Variants in DLGAP1 observed in about 807,000 individuals in gnomAD.
DLGAP1 encodes disks large-associated protein 1.
Under a neutral mutation model 90.8 loss-of-function variants are expected in DLGAP1, and 11 were observed. The ratio of observed to expected loss-of-function variants is 0.12; its 90% confidence interval spans 0.08 to 0.20. The LOEUF is 0.20. Ranked by LOEUF, DLGAP1 falls within the 10% of genes least tolerant of loss-of-function variation. The pLI, the probability that DLGAP1 is intolerant of heterozygous loss-of-function variation, is 1.00. For synonymous variants in DLGAP1, 558 were observed against 540.7 expected (o/e 1.03, Z -0.44); for missense variants, 1,050 against 1,333.8 (o/e 0.79, Z 3.31).
At chr18:3,933,270 A>G (rs144464153) in intron 3 of DLGAP1, among the ~76,000 whole-genome samples, 34 of 152,320 alleles carry the variant, frequency 2.2e-4, no homozygotes, top group African/African-American at 8.2e-4. Context: ...TCTGTAGCTT[A>G]TAGTGCGGTG....
At chr18:3,937,071 C>T (rs777139139) in intron 3 of DLGAP1, among the ~76,000 whole-genome samples, 1 of 152,160 alleles carries the variant, frequency 6.6e-6, no homozygotes, top group Non-Finnish European at 1.5e-5. Flanking sequence ...AACATGGGCA[C>T]GCCCTGGAGA....
At chr18:3,626,812 C>T (rs12953920) in intron 7 of DLGAP1, among the ~76,000 whole-genome samples, 53,845 of 151,190 alleles carry the variant, frequency 0.36, 9,980 homozygotes, top group East Asian at 0.5. Context: ...GCAGGAGAAT[C>T]ATTTGAACCC....
At chr18:4,452,362 G>A (rs142710670) in intron 1 of DLGAP1, among the ~76,000 whole-genome samples, 291 of 152,094 alleles carry the variant, frequency 1.9e-3, no homozygotes, top group African/African-American at 6.5e-3. Flanking sequence ...TATTCATCTC[G>A]ATTAAGTTGT....
At chr18:3,723,980 G>A (rs1330619347) in intron 7 of DLGAP1, among the ~76,000 whole-genome samples, 3 of 152,176 alleles carry the variant, frequency 2.0e-5, no homozygotes, top group Non-Finnish European at 2.9e-5. Flanking sequence ...ATGTGAAGGA[G>A]AGGAGAACAG....
At chr18:3,713,208 G>A (rs575670765) in intron 7 of DLGAP1, among the ~76,000 whole-genome samples, 15 of 152,166 alleles carry the variant, frequency 9.9e-5, no homozygotes, top group Admixed American at 4.6e-4. Context: ...GTTCACAGCC[G>A]GATCAGCTGA....
intron 7 of DLGAP1, among the ~76,000 whole-genome samples, chr18:3,657,839 C>T (rs1357020961): frequency 1.3e-5 from 2 of 151,846 alleles, no homozygotes; most frequent in Admixed American, 6.6e-5. Context: ...CTCCTGACCT[C>T]GTGATCCGCC....
chr18:3,582,944 G>A (rs1033103795), intron 7 of DLGAP1, among the ~76,000 whole-genome samples: 2 of 147,594 alleles, frequency 1.4e-5, no homozygotes, highest in African/African-American at 5.0e-5. Flanking sequence ...AAAATAGAGA[G>A]GAGGTCTCTC....
chr18:3,570,392 C>T (rs1160935010), intron 8 of DLGAP1, among the ~76,000 whole-genome samples: 1 of 151,630 alleles, frequency 6.6e-6, no homozygotes, highest in Non-Finnish European at 1.5e-5. Context: ...GATTCTCCTG[C>T]CTCAGCCTCC....
intron 7 of DLGAP1, among the ~76,000 whole-genome samples, chr18:3,589,583 A>G (rs771602527): frequency 6.6e-6 from 1 of 152,142 alleles, no homozygotes. Context: ...TAAATTATAT[A>G]TAGATATATA....
chr18:4,260,312 A>T (rs2078977591), intron 1 of DLGAP1, among the ~76,000 whole-genome samples: 1 of 152,220 alleles, frequency 6.6e-6, no homozygotes, highest in African/African-American at 2.4e-5. Context: ...GAGGCAAAGC[A>T]AATATTTGAG....
intron 9 of DLGAP1, among the ~76,000 whole-genome samples, chr18:3,543,220 G>C (rs1001096800): frequency 1.3e-5 from 2 of 148,440 alleles, no homozygotes; most frequent in Non-Finnish European, 2.9e-5. Flanking sequence ...ACCCAGGCTG[G>C]AGTGGAGTGG....
intron 2 of DLGAP1, among the ~76,000 whole-genome samples, chr18:4,080,254 T>C (rs747636468): frequency 6.6e-6 from 1 of 152,248 alleles, no homozygotes; most frequent in Admixed American, 6.5e-5. Flanking sequence ...TGCTACACTA[T>C]GGGTCTTAAT....
chr18:4,191,587 C>T (rs747041476), intron 1 of DLGAP1, among the ~76,000 whole-genome samples: 21 of 152,148 alleles, frequency 1.4e-4, no homozygotes, highest in Non-Finnish European at 2.2e-4. Flanking sequence ...CCATAGTGAT[C>T]TCACCTAAGC....
chr18:4,055,376 A>T (rs1156926938), intron 2 of DLGAP1, among the ~76,000 whole-genome samples: 1 of 152,174 alleles, frequency 6.6e-6, no homozygotes, highest in South Asian at 2.1e-4. Flanking sequence ...AGATTATTTC[A>T]TCATCCAGAT....
chr18:3,526,740 T>C lies in DLGAP1; in HGVS notation c.2479+7454A>G, dbSNP rs2051645183. The stretch of plus-strand genomic sequence containing the variant: ...AGACTGCATTCCTAGTTGGAGGCAT[T>C]CAGCTCCATCTGGTCGTTTCATCCC... On this transcript the variant is annotated intron_variant, in intron 10 of 12. Transcript: ENST00000315677. This position sits in a 1 kb window ranked among gnomAD's most constrained non-coding sequence, Gnocchi z 4.7. Among the ~76,000 whole-genome samples the C allele has an allele frequency of 6.6e-6, 1 of 152,232 alleles. No homozygotes were observed. Among genetic ancestry groups the C allele is most frequent in the Non-Finnish European group, 1.5e-5 (1 of 68,048 alleles).
At chr18:4,244,871 C>G (rs1230954409) in intron 1 of DLGAP1, among the ~76,000 whole-genome samples, 1 of 152,150 alleles carries the variant, frequency 6.6e-6, no homozygotes, top group East Asian at 1.9e-4. Context: ...GGTTCTTAGC[C>G]AAGTACTTAG....
intron 1 of DLGAP1, among the ~76,000 whole-genome samples, chr18:4,204,513 T>TTTTTG (rs1555762768): frequency 4.0e-5 from 6 of 151,750 alleles, no homozygotes; most frequent in African/African-American, 1.5e-4. Context: ...TTGTGGTTTT[T>TTTTTG]TTTTTGTTTT....
intron 7 of DLGAP1, among the ~76,000 whole-genome samples, chr18:3,657,273 TCA>T (rs1174373959): frequency 2.6e-5 from 4 of 152,238 alleles, no homozygotes; most frequent in African/African-American, 9.6e-5. Flanking sequence ...AAAATTCTTT[TCA>T]ATACTGGTAA....
chr18:3,999,181 C>G (rs910076308), intron 3 of DLGAP1, among the ~76,000 whole-genome samples: 7 of 151,650 alleles, frequency 4.6e-5, no homozygotes, highest in African/African-American at 1.7e-4. Context: ...AATTTGTATA[C>G]AAATTATACA....
Sources: allele counts gnomAD v4.1 joint callset (sites outside exome capture counted in the v4.1 genomes callset), GRCh38; gene constraint gnomAD v4.1.1; non-coding constraint Gnocchi (gnomAD v3.1); transcripts MANE v1.5; gene names NCBI Gene and HGNC (gene_info 2026-07-23, HGNC 2026-07-21).